The following PLEKHA5 variants were observed in gnomAD, a reference collection of about 807,000 sequenced individuals.
PLEKHA5 encodes pleckstrin homology domain-containing family A member 5.
Under a neutral mutation model 181.9 loss-of-function variants are expected in PLEKHA5, and 55 were observed. The observed-to-expected ratio is 0.30, with a 90% confidence interval of 0.24 to 0.38. The LOEUF is 0.38. Among genes scored for constraint, PLEKHA5 ranks in the 10% least tolerant of loss-of-function variants. The probability of loss-of-function intolerance (pLI) is 1.00; values close to 1 mark genes in which losing one functional copy is unlikely to be tolerated. For missense variants in PLEKHA5, 1,432 were observed against 1,549.5 expected (o/e 0.92, Z 1.27); for synonymous variants, 535 against 529.4 (o/e 1.01, Z -0.15).
chr12:19,195,664 C>T lies in PLEKHA5; in HGVS notation c.228-58276C>T, dbSNP rs1257582793. ...CTCCAGCCTGGGTGAGAGAGAGAGACCCTGTCTCAAAAAAAAAAAAAAAAA... is the reference window on the plus strand; with the variant it reads ...CTCCAGCCTGGGTGAGAGAGAGAGATCCTGTCTCAAAAAAAAAAAAAAAAA... On this transcript the variant is annotated intron_variant, in intron 3 of 31. Coordinates refer to ENST00000429027, the MANE Select transcript of PLEKHA5 (RefSeq NM_001256470.2). Among the ~76,000 whole-genome samples the T allele has an allele frequency of 3.0e-5, 3 of 101,140 alleles. No homozygotes were observed. In the South Asian group the frequency reaches 1.2e-3, roughly 40 times the overall value. The allele number at this position is 101,140 out of a possible 152,430, so 66.4% of individuals were successfully genotyped here.
chr12:19,335,529 C>A (rs940979484), intron 20 of PLEKHA5, among the ~76,000 whole-genome samples: 1 of 151,404 alleles, frequency 6.6e-6, no homozygotes, highest in Non-Finnish European at 1.5e-5. Flanking sequence ...GATTCTCCTG[C>A]CTCAGCCTCC....
At chr12:19,287,854 G>A (rs376388236) in intron 13 of PLEKHA5, among the ~76,000 whole-genome samples, 2 of 152,128 alleles carry the variant, frequency 1.3e-5, no homozygotes, top group Non-Finnish European at 2.9e-5. Context: ...CAAGGCAGGC[G>A]GATCGCTTGA....
chr12:19,142,273 G>GC (rs1297480826), intron 3 of PLEKHA5, among the ~76,000 whole-genome samples: 1 of 152,136 alleles, frequency 6.6e-6, no homozygotes, highest in Non-Finnish European at 1.5e-5. Flanking sequence ...GGAGGCTGAG[G>GC]CAGAAGGATT....
intron 3 of PLEKHA5, among the ~76,000 whole-genome samples, chr12:19,240,957 T>C (rs1048682997): frequency 2.4e-4 from 37 of 152,148 alleles, no homozygotes; most frequent in Admixed American, 1.3e-3. Context: ...GTGAGCATTT[T>C]TATTCTGTTA....
intron 3 of PLEKHA5, among the ~76,000 whole-genome samples, chr12:19,148,209 A>C (rs2039449397): frequency 6.6e-6 from 1 of 152,154 alleles, no homozygotes; most frequent in Admixed American, 6.5e-5. Context: ...GGCACCTGCC[A>C]CCACGCCTGA....
chr12:19,214,338 C>T (rs535063889), intron 3 of PLEKHA5, among the ~76,000 whole-genome samples: 13 of 152,252 alleles, frequency 8.5e-5, no homozygotes, highest in African/African-American at 2.9e-4. Flanking sequence ...CATCAGTGAC[C>T]TTTGCTGAGG....
intron 14 of PLEKHA5, 56 bp from the exon 15 acceptor site, chr12:19,291,588 T>A (rs1263942661): frequency 9.5e-7 from 1 of 1,056,480 alleles, no homozygotes; most frequent in African/African-American, 1.6e-5. Flanking sequence ...ATTGACCTTT[T>A]CTTGAATTCC....
intron 4 of PLEKHA5, 76 bp from the exon 5 acceptor site, chr12:19,254,969 G>T (rs775642708): frequency 7.7e-7 from 1 of 1,290,678 alleles, no homozygotes; most frequent in South Asian, 1.8e-5. Flanking sequence ...CACTCGCATT[G>T]TTAACTGTAG....
intron 3 of PLEKHA5, among the ~76,000 whole-genome samples, chr12:19,156,231 CAG>C: frequency 7.1e-6 from 1 of 141,828 alleles, no homozygotes; most frequent in East Asian, 2.0e-4. Flanking sequence ...TTTTTCTCCT[CAG>C]GGAGTGAGCA....
At chr12:19,139,576 G>A (rs1261841911) in intron 3 of PLEKHA5, among the ~76,000 whole-genome samples, 2 of 152,174 alleles carry the variant, frequency 1.3e-5, no homozygotes, top group Non-Finnish European at 2.9e-5. Context: ...GAATGAAACA[G>A]ACATGGACAC....
At chr12:19,352,071 C>A (rs2094622716) in intron 25 of PLEKHA5, among the ~76,000 whole-genome samples, 1 of 113,174 alleles carries the variant, frequency 8.8e-6, no homozygotes, top group African/African-American at 3.6e-5. Flanking sequence ...AGCGAAACTC[C>A]ATCTCAAAAA....
chr12:19,334,829 A>AAAAATATATAT, intron 20 of PLEKHA5, among the ~76,000 whole-genome samples: 4 of 18,602 alleles, frequency 2.2e-4, no homozygotes, highest in African/African-American at 4.9e-4. Context: ...AAAAAAAAAA[A>AAAAATATATAT]ATATATATAT....
chr12:19,167,344 C>A (rs772131336), intron 3 of PLEKHA5, among the ~76,000 whole-genome samples: 1 of 150,160 alleles, frequency 6.7e-6, no homozygotes, highest in Non-Finnish European at 1.5e-5. Context: ...CAGGAAGAGG[C>A]CTTGATTTTA....
In PLEKHA5 at chr12:19,342,292, GA is replaced by G. The variant is rs545569983; in HGVS notation, c.2551-1027del. On this transcript the variant is annotated intron_variant, in intron 21 of 31. Transcript: ENST00000429027. ...CATAGATTTCTAATAGAATCTCAGAGAAAACCAATGTAATCTTATTTTGGTT... is the reference window on the plus strand; with the variant it reads ...CATAGATTTCTAATAGAATCTCAGAGAAACCAATGTAATCTTATTTTGGTT... 9.9e-5 allele frequency among the ~76,000 whole-genome samples: 15 copies of G among 152,216 alleles called. No individual in the cohort carries two copies. In the East Asian group the frequency reaches 2.3e-3, roughly 23 times the overall value.
At chr12:19,283,911 C>A (rs903854800) in intron 12 of PLEKHA5, among the ~76,000 whole-genome samples, 166 bp downstream of exon 12, 3 of 152,166 alleles carry the variant, frequency 2.0e-5, no homozygotes, top group African/African-American at 7.2e-5. Context: ...ACATTAAGAT[C>A]TCATGTATAA....
rs2094365679 is a variant in PLEKHA5 at position 19,346,987 on chromosome 12, T to C, written c.2710-7T>C. The C allele has an allele frequency of 1.3e-6, 2 of 1,539,352 alleles. No homozygotes were observed. Among genetic ancestry groups the C allele is most frequent in the African/African-American group, 2.7e-5 (2 of 72,768 alleles). ...TCTAAATAAGGTGACTGTTCTACAA[T>C]CTTTAGGAAGAGGAAGTAGTCCCAC... On this transcript the variant is annotated splice_region_variant and splice_polypyrimidine_tract_variant and intron_variant, in intron 23 of 31. Transcript: ENST00000429027.
At chr12:19,250,753 G>C (rs2065062924) in intron 3 of PLEKHA5, among the ~76,000 whole-genome samples, 1 of 152,066 alleles carries the variant, frequency 6.6e-6, no homozygotes, top group South Asian at 2.1e-4. Context: ...TTCAGTGTCT[G>C]TTAAAATTCT....
intron 15 of PLEKHA5, among the ~76,000 whole-genome samples, chr12:19,292,661 G>C (rs541849497): frequency 6.6e-6 from 1 of 152,140 alleles, no homozygotes; most frequent in Non-Finnish European, 1.5e-5. Flanking sequence ...GCAATGGGCC[G>C]GGTGTGGTGG....
intron 3 of PLEKHA5, among the ~76,000 whole-genome samples, chr12:19,164,148 T>C (rs10841162): frequency 0.66 from 99,388 of 150,064 alleles, 36,633 homozygotes; most frequent in Non-Finnish European, 0.83. Flanking sequence ...TCTTTTAACT[T>C]GCCCTCATTC....
Sources: allele counts gnomAD v4.1 joint callset (sites outside exome capture counted in the v4.1 genomes callset), GRCh38; gene constraint gnomAD v4.1.1; transcripts MANE v1.5; gene names NCBI Gene and HGNC (gene_info 2026-07-23, HGNC 2026-07-21).